Variants in NRXN1 observed in about 807,000 individuals in gnomAD.
NRXN1 encodes neurexin 1, also known as neurexin-1.
In NRXN1, 39 loss-of-function variants were observed where a neutral mutation model predicts 150.9. The ratio of observed to expected loss-of-function variants is 0.26; its 90% CI spans 0.20 to 0.34. The LOEUF (loss-of-function observed/expected upper bound fraction) is 0.34. Ranked by LOEUF, NRXN1 falls within the 10% of genes least tolerant of loss-of-function variation. The pLI is 1.00. For synonymous variants in NRXN1, 924 were observed against 757.0 expected (o/e 1.22, Z -3.62); for missense variants, 1,815 against 1,949.9 (o/e 0.93, Z 1.30).
rs575473616 is a variant in NRXN1 at position 50,916,500 on chromosome 2, C to T, written c.832+5369G>A. 2.4e-4 allele frequency among the ~76,000 whole-genome samples: 36 copies of T among 150,276 alleles called. No individual in the cohort carries two copies. The South Asian group carries it at 7.0e-3, about 29-fold the overall frequency. ...GTTAAAAATCTAGATTAAAAAAGTA[C>T]ATTTGCAAATGTATAAATAACATAA... On this transcript the variant is annotated intron_variant, in intron 5 of 22. Transcript: ENST00000401669.
At chr2:50,683,332 A>T (rs957142951) in intron 5 of NRXN1, among the ~76,000 whole-genome samples, 1 of 151,664 alleles carries the variant, frequency 6.6e-6, no homozygotes, top group Admixed American at 6.6e-5. Context: ...AGGGAGAAGG[A>T]TTTAAAATAT....
chr2:50,604,378 A>ACAGGGTAAACCCAATAACT (rs1676762495), intron 8 of NRXN1, among the ~76,000 whole-genome samples: 1 of 152,166 alleles, frequency 6.6e-6, no homozygotes, highest in Non-Finnish European at 1.5e-5. Context: ...ACTCTGAACC[A>ACAGGGTAAACCCAATAACT]CTGACCTACA....
intron 5 of NRXN1, among the ~76,000 whole-genome samples, chr2:50,920,559 A>G (rs1207405397): frequency 6.6e-6 from 1 of 151,810 alleles, no homozygotes; most frequent in Admixed American, 6.6e-5. Flanking sequence ...AGCCAGTAAG[A>G]TAAAGTATAT....
chr2:50,139,385 T>A (rs1331819724), intron 18 of NRXN1, among the ~76,000 whole-genome samples: 1 of 151,400 alleles, frequency 6.6e-6, no homozygotes, highest in Admixed American at 6.6e-5. Context: ...GAACTAATGT[T>A]ATTCCATCAC....
chr2:49,934,095 TTCTC>T (rs1057452609), intron 22 of NRXN1, among the ~76,000 whole-genome samples: 2 of 152,318 alleles, frequency 1.3e-5, no homozygotes, highest in African/African-American at 4.8e-5. Context: ...TGAATTACAT[TTCTC>T]TCTCTTTCAA....
Position 50,506,509 on chromosome 2 carries a change from T to C in NRXN1, c.2483A>G (p.Gln828Arg), listed in dbSNP as rs1060503177. ...GAGGTGTTTACCTGTCATGGCCTGTTGGTCATCCACTGTTAACTTTAAACT... is the reference window on the plus strand; with the variant it reads ...GAGGTGTTTACCTGTCATGGCCTGTCGGTCATCCACTGTTAACTTTAAACT... ...GKSLKLTVDD[Q>R]QAMTGQMAGD... The change falls in exon 13 of 23, where the codon CAA becomes CGA. Residue 828 changes from glutamine (Q) to arginine (R), a missense_variant. Coordinates refer to ENST00000401669, the MANE Select transcript of NRXN1 (RefSeq NM_001330078.2). The C allele has an allele frequency of 6.2e-7, 1 of 1,612,962 alleles. No homozygotes were observed. Among genetic ancestry groups the C allele is most frequent in the South Asian group, 1.1e-5 (1 of 90,958 alleles).
chr2:50,920,583 C>T (rs1228520408), intron 5 of NRXN1, among the ~76,000 whole-genome samples: 1 of 151,668 alleles, frequency 6.6e-6, no homozygotes, highest in Non-Finnish European at 1.5e-5. Context: ...TCCCTCTATG[C>T]CATCCCTAAG....
At chr2:50,163,937 G>C (rs2059522446) in intron 18 of NRXN1, among the ~76,000 whole-genome samples, 1 of 152,156 alleles carries the variant, frequency 6.6e-6, no homozygotes, top group South Asian at 2.1e-4. Context: ...GCTTGAAGGA[G>C]AAATCATTAC....
At chr2:50,112,684 G>A (rs1702534838) in intron 18 of NRXN1, among the ~76,000 whole-genome samples, 1 of 152,080 alleles carries the variant, frequency 6.6e-6, no homozygotes, top group Non-Finnish European at 1.5e-5. Flanking sequence ...AATGTGTCTG[G>A]GGGTGTGTCC....
At chr2:50,879,794 A>T (rs2103669089) in intron 5 of NRXN1, among the ~76,000 whole-genome samples, 1 of 152,042 alleles carries the variant, frequency 6.6e-6, no homozygotes, top group Admixed American at 6.6e-5. Flanking sequence ...GGATCCAAGT[A>T]CCGGCTATAG....
intron 13 of NRXN1, among the ~76,000 whole-genome samples, chr2:50,506,137 T>C (rs2092210090): frequency 6.6e-6 from 1 of 152,170 alleles, no homozygotes; most frequent in Non-Finnish European, 1.5e-5. Context: ...AAACTTGCAG[T>C]TGTTCATTGC....
intron 5 of NRXN1, among the ~76,000 whole-genome samples, chr2:50,865,030 G>A (rs1676683636): frequency 6.6e-6 from 1 of 151,806 alleles, no homozygotes; most frequent in African/African-American, 2.4e-5. Context: ...CTCTCTTTAA[G>A]AATGTATAAG....
intron 17 of NRXN1, among the ~76,000 whole-genome samples, chr2:50,413,607 A>G (rs2083338252): frequency 6.6e-6 from 1 of 152,168 alleles, no homozygotes; most frequent in African/African-American, 2.4e-5. Context: ...TACAACCACT[A>G]TAGAGAACAG....
chr2:50,394,110 T>C (rs2081912282), intron 17 of NRXN1, among the ~76,000 whole-genome samples: 1 of 152,154 alleles, frequency 6.6e-6, no homozygotes, highest in Non-Finnish European at 1.5e-5. Flanking sequence ...ATTCTGTTAT[T>C]TTGTGACCTC....
At chr2:50,376,190 C>T (rs1192861829) in intron 17 of NRXN1, among the ~76,000 whole-genome samples, 1 of 151,582 alleles carries the variant, frequency 6.6e-6, no homozygotes, top group Non-Finnish European at 1.5e-5. Context: ...TCTAAAAAAC[C>T]TAGAAAACAG....
intron 17 of NRXN1, among the ~76,000 whole-genome samples, chr2:50,318,850 G>C (rs1268935843): frequency 1.3e-5 from 2 of 152,080 alleles, no homozygotes; most frequent in Non-Finnish European, 2.9e-5. Flanking sequence ...CAGTGCTTCA[G>C]ATAGGTACTG....
intron 17 of NRXN1, among the ~76,000 whole-genome samples, chr2:50,247,766 A>C (rs185147574): frequency 6.6e-6 from 1 of 152,126 alleles, no homozygotes; most frequent in Non-Finnish European, 1.5e-5. Context: ...AGTGGACCAC[A>C]GAAGAGGGCA....
chr2:50,258,826 A>C (rs1334302859), intron 17 of NRXN1, among the ~76,000 whole-genome samples: 1 of 152,056 alleles, frequency 6.6e-6, no homozygotes, highest in Non-Finnish European at 1.5e-5. Context: ...ATAAAATTAT[A>C]TTAATCCCCA....
At chr2:50,698,731 C>A (rs1199264669) in intron 5 of NRXN1, among the ~76,000 whole-genome samples, 1 of 152,100 alleles carries the variant, frequency 6.6e-6, no homozygotes, top group Admixed American at 6.5e-5. Flanking sequence ...CTCCATTATT[C>A]CCTAGAAAAC....
Sources: gnomAD v4.1 joint callset for allele counts (sites outside exome capture counted in the v4.1 genomes callset) on GRCh38, gnomAD v4.1.1 for gene constraint, MANE v1.5 for transcripts, NCBI Gene and HGNC (gene_info 2026-07-23, HGNC 2026-07-21) for gene names.